PDZRN3: variants seen among roughly 807,000 people sequenced by gnomAD.
PDZRN3 encodes the protein PDZ domain containing ring finger 3, also known as E3 ubiquitin-protein ligase PDZRN3.
PDZRN3 carries 38 observed loss-of-function variants against 85.7 expected under a neutral mutation model. The ratio of observed to expected loss-of-function variants is 0.44; its 90% CI spans 0.34 to 0.58. The LOEUF (loss-of-function observed/expected upper bound fraction) is 0.58. Among genes scored for constraint, PDZRN3 ranks in the 20% least tolerant of loss-of-function variants. The probability of loss-of-function intolerance (pLI) is 0.01; values close to 1 mark genes in which losing one functional copy is unlikely to be tolerated. For synonymous variants in PDZRN3, 759 were observed against 638.0 expected, an observed-to-expected ratio of 1.19 and a Z score of -2.86; for missense variants, 1,629 against 1,506.4, an observed-to-expected ratio of 1.08 and a Z score of -1.35.
At chr3:73,550,997 C>T (rs1033787346) in intron 3 of PDZRN3, among the ~76,000 whole-genome samples, 5 of 152,146 alleles carry the variant, frequency 3.3e-5, no homozygotes, top group African/African-American at 1.2e-4. Flanking sequence ...TGCAGAATAA[C>T]GCTGGATGCT....
chr3:73,514,419 A>G (rs574101033), intron 3 of PDZRN3, among the ~76,000 whole-genome samples: 120 of 152,270 alleles, frequency 7.9e-4, no homozygotes, highest in South Asian at 1.9e-3. Context: ...TTAATGATAA[A>G]AGGGCTGGGC....
intron 3 of PDZRN3, among the ~76,000 whole-genome samples, chr3:73,529,474 T>C (rs1283380072): frequency 6.6e-6 from 1 of 152,180 alleles, no homozygotes; most frequent in African/African-American, 2.4e-5. Context: ...CCTGCTACAG[T>C]GAGAACGTTT....
At chr3:73,408,408 CAG>C in intron 3 of PDZRN3, 5 of 582,496 alleles carry the variant, frequency 8.6e-6, no homozygotes, top group Middle Eastern at 7.4e-4. Context: ...CACATTTTCC[CAG>C]GAGGAAACAA....
chr3:73,572,693 C>T (rs570588179), intron 3 of PDZRN3, among the ~76,000 whole-genome samples: 1 of 152,140 alleles, frequency 6.6e-6, no homozygotes, highest in Non-Finnish European at 1.5e-5. Context: ...CCAGAGACAG[C>T]AACAAATCAG....
rs775020138 is a variant in PDZRN3, at chr3:73,467,324, TG to T, written c.919-62930del. 2.1e-3 allele frequency among the ~76,000 whole-genome samples: 327 copies of T among 152,342 alleles called. 1 individual carries two copies. The highest frequency in any genetic ancestry group is 3.2e-3 in the Non-Finnish European group (216 of 68,020). Reference sequence around the variant, plus strand: ...TACCCAGGTGAAGGAAGCAGCAGGATGGCAAAGCCAATTTTTTTGTTTCAGT... The same window carrying T: ...TACCCAGGTGAAGGAAGCAGCAGGATGCAAAGCCAATTTTTTTGTTTCAGT... On this transcript the variant is annotated intron_variant, in intron 3 of 9. Coordinates refer to ENST00000263666, the MANE Select transcript of PDZRN3 (RefSeq NM_015009.3).
chr3:73,407,555 G>C (rs1186958168), intron 3 of PDZRN3, among the ~76,000 whole-genome samples: 1 of 152,172 alleles, frequency 6.6e-6, no homozygotes, highest in African/African-American at 2.4e-5. Context: ...AGGCACAAAT[G>C]TTTTCTCATT....
chr3:73,551,462 C>T (rs990336131), intron 3 of PDZRN3, among the ~76,000 whole-genome samples: 1 of 152,056 alleles, frequency 6.6e-6, no homozygotes, highest in African/African-American at 2.4e-5. Context: ...GTGGGAGGAT[C>T]GCTTGAGCCC....
At chr3:73,468,179 A>G (rs1703260532) in intron 3 of PDZRN3, among the ~76,000 whole-genome samples, 1 of 152,184 alleles carries the variant, frequency 6.6e-6, no homozygotes, top group Non-Finnish European at 1.5e-5. Flanking sequence ...AAGCTGTGCT[A>G]TGGAAGCATC....
intron 3 of PDZRN3, among the ~76,000 whole-genome samples, chr3:73,523,919 CTGG>C (rs1467306548): frequency 1.3e-5 from 2 of 152,188 alleles, no homozygotes; most frequent in Non-Finnish European, 2.9e-5. Context: ...CACTGAGACC[CTGG>C]CAAAGGATCC....
At chr3:73,417,449 C>T (rs928810868) in intron 3 of PDZRN3, among the ~76,000 whole-genome samples, 3 of 152,050 alleles carry the variant, frequency 2.0e-5, no homozygotes, top group Admixed American at 6.6e-5. Flanking sequence ...TGTGCACGTG[C>T]GGGGAAATAC....
At chr3:73,550,361 A>C (rs1376981611) in intron 3 of PDZRN3, among the ~76,000 whole-genome samples, 2 of 152,196 alleles carry the variant, frequency 1.3e-5, no homozygotes, top group Non-Finnish European at 2.9e-5. Context: ...GGACACTCTA[A>C]GGCACTGGTT....
rs188149963 is a variant in PDZRN3 at position 73,434,148 on chromosome 3, G to A, written c.919-29753C>T. Among the ~76,000 whole-genome samples the A allele has an allele frequency of 8.3e-4, 127 of 152,342 alleles. 1 individual carries two copies. The highest frequency in any genetic ancestry group is 1.3e-3 in the Non-Finnish European group (87 of 68,040). On this transcript the variant is annotated intron_variant, in intron 3 of 9. Coordinates refer to ENST00000263666, the MANE Select transcript of PDZRN3 (RefSeq NM_015009.3). ...TAATTAACAAGCAAGTGCTCCAGTG[G>A]TAGGGAATAATAAAAGACACTAACA... is the stretch of plus-strand genomic sequence containing the variant.
intron 3 of PDZRN3, among the ~76,000 whole-genome samples, chr3:73,518,951 A>T (rs1412706126): frequency 6.6e-6 from 1 of 152,216 alleles, no homozygotes; most frequent in Non-Finnish European, 1.5e-5. Flanking sequence ...TTCCCTGAGG[A>T]GACAAGTGAC....
chr3:73,395,785 C>G (rs1235480526), intron 5 of PDZRN3, among the ~76,000 whole-genome samples: 1 of 152,168 alleles, frequency 6.6e-6, no homozygotes, highest in Non-Finnish European at 1.5e-5. Flanking sequence ...GGTAACAAGG[C>G]ATTTTATTCC....
In PDZRN3 at chr3:73,624,202, C is replaced by A; in HGVS notation, c.624G>T (p.Glu208Asp). 6.7e-7 allele frequency: 1 copy of A among 1,490,974 alleles called. No individual in the cohort carries two copies. The highest frequency in any genetic ancestry group is 2.3e-5 in the Admixed American group (1 of 43,522). 92.4% of individuals were successfully genotyped at this position (1,490,974 alleles called of 1,614,324 possible). A position where few individuals can be genotyped will look rare whatever the true frequency, so the allele number is the denominator to read the frequency against. The change falls in exon 1 of 10, where the codon GAG becomes GAT. Residue 208 changes from glutamate (E) to aspartate (D), a missense_variant. Transcript: ENST00000263666. Reference sequence around the variant, plus strand: ...GGTAGCGCAGCGCGGTCATCTGCAGCTCAAGCTGCGCCGCGGCCAGCTGGG... The same window carrying A: ...GGTAGCGCAGCGCGGTCATCTGCAGATCAAGCTGCGCCGCGGCCAGCTGGG... ...LVAQLAAAQLELQMTALRYQK... is the reference protein window; with the variant it reads ...LVAQLAAAQLDLQMTALRYQK...
intron 3 of PDZRN3, among the ~76,000 whole-genome samples, chr3:73,509,278 C>T (rs1704121330): frequency 6.6e-6 from 1 of 152,210 alleles, no homozygotes. Flanking sequence ...ATGGGATGGT[C>T]TCAGGGCAAC....
chr3:73,423,736 G>A lies in PDZRN3; in HGVS notation c.919-19341C>T, dbSNP rs145815385. On this transcript the variant is annotated intron_variant, in intron 3 of 9. Transcript: ENST00000263666. ...CTTTTTGTAAAGATGTTTACAGCCA[G>A]CCCACTCCGTCTTCCCCTTATTAGT... 3.9e-4 allele frequency among the ~76,000 whole-genome samples: 60 copies of A among 152,242 alleles called. No individual in the cohort carries two copies. The East Asian group carries it at 0.011, about 27-fold the overall frequency.
intron 3 of PDZRN3, among the ~76,000 whole-genome samples, chr3:73,462,446 G>A (rs1323481386): frequency 2.0e-5 from 3 of 147,824 alleles, no homozygotes; most frequent in Non-Finnish European, 3.0e-5. Context: ...TTGGGAGCCC[G>A]AAGCAGGAGA....
intron 3 of PDZRN3, among the ~76,000 whole-genome samples, chr3:73,469,781 GT>G (rs1233325976): frequency 2.0e-5 from 3 of 152,094 alleles, no homozygotes; most frequent in African/African-American, 7.2e-5. Flanking sequence ...TTAAAACAAA[GT>G]GCTATTTACA....
Sources: gnomAD v4.1 joint callset for allele counts (sites outside exome capture counted in the v4.1 genomes callset) on GRCh38, gnomAD v4.1.1 for gene constraint, MANE v1.5 for transcripts, NCBI Gene and HGNC (gene_info 2026-07-23, HGNC 2026-07-21) for gene names.